MICU1: variants seen among roughly 807,000 people sequenced by gnomAD.
MICU1 encodes the protein mitochondrial calcium uptake 1.
A neutral mutation model predicts 56.8 loss-of-function variants in MICU1; 45 were observed. That is an observed-to-expected ratio of 0.79 (90% CI 0.62 to 1.02). MICU1 has a LOEUF of 1.02. MICU1 is among the 50% of genes least tolerant of loss of function. The probability of loss-of-function intolerance (pLI) is 0.00; values close to 1 mark genes in which losing one functional copy is unlikely to be tolerated. For missense variants in MICU1, 504 were observed against 587.1 expected (o/e 0.86, Z 1.46); for synonymous variants, 186 against 195.1 (o/e 0.95, Z 0.39).
chr10:72,382,679 C>CA (rs1216269613), intron 10 of MICU1, among the ~76,000 whole-genome samples: 1 of 152,104 alleles, frequency 6.6e-6, no homozygotes. Context: ...GAGGCCAAGG[C>CA]AGGCAGATCA....
At chr10:72,603,611 C>A (rs1432076004) in intron 1 of MICU1, among the ~76,000 whole-genome samples, 1 of 151,960 alleles carries the variant, frequency 6.6e-6, no homozygotes, top group Non-Finnish European at 1.5e-5. Context: ...TCGACACCAG[C>A]CTGACCAACA....
intron 6 of MICU1, among the ~76,000 whole-genome samples, chr10:72,484,247 C>T (rs1866392326): frequency 6.6e-6 from 1 of 152,046 alleles, no homozygotes; most frequent in African/African-American, 2.4e-5. Flanking sequence ...TTTCAGAATA[C>T]AATATCCAGA....
intron 6 of MICU1, among the ~76,000 whole-genome samples, chr10:72,500,278 ATATATATATATATATATATATATATTT>A (rs1866995871): frequency 1.4e-5 from 1 of 70,236 alleles, no homozygotes; most frequent in Non-Finnish European, 2.3e-5. Context: ...ATATATATAT[ATATATATATATATATATATATATATTT>A]TTTTTTTTTT....
intron 8 of MICU1, among the ~76,000 whole-genome samples, chr10:72,424,108 C>G (rs1469108779): frequency 8.1e-6 from 1 of 123,592 alleles, no homozygotes; most frequent in Non-Finnish European, 2.0e-5. Flanking sequence ...TAACAGTGAC[C>G]ATTTCCCCCC....
chr10:72,410,516 G>A (rs1863774369), intron 9 of MICU1, among the ~76,000 whole-genome samples: 1 of 152,208 alleles, frequency 6.6e-6, no homozygotes, highest in Non-Finnish European at 1.5e-5. Flanking sequence ...CTACTTGGGA[G>A]GCTGAGGCAG....
chr10:72,454,123 C>T (rs902489300), intron 8 of MICU1, among the ~76,000 whole-genome samples: 4 of 152,078 alleles, frequency 2.6e-5, no homozygotes, highest in East Asian at 2.0e-4. Context: ...TGAGCTACCC[C>T]GCCGGGCCCC....
At chr10:72,563,429 TG>T (rs1840348458) in intron 2 of MICU1, among the ~76,000 whole-genome samples, 1 of 152,234 alleles carries the variant, frequency 6.6e-6, no homozygotes, top group African/African-American at 2.4e-5. Context: ...AGCTACAACG[TG>T]GATGAATCTT....
chr10:72,503,104 A>G (rs1655584008), intron 6 of MICU1: 1 of 152,412 alleles, frequency 6.6e-6, no homozygotes, highest in South Asian at 2.1e-4. Flanking sequence ...AACCCTCTGT[A>G]TGCCTCAATT....
At chr10:72,508,779 C>T (rs1867344919) in intron 5 of MICU1, among the ~76,000 whole-genome samples, 1 of 152,238 alleles carries the variant, frequency 6.6e-6, no homozygotes, top group Non-Finnish European at 1.5e-5. Context: ...TTGATAGCCC[C>T]AAGAATCTTA....
intron 1 of MICU1, among the ~76,000 whole-genome samples, chr10:72,604,028 A>C (rs1282658809): frequency 6.6e-6 from 1 of 152,130 alleles, no homozygotes; most frequent in African/African-American, 2.4e-5. Context: ...ATAACTAATT[A>C]GTAGTATGGG....
chr10:72,445,673 T>C (rs1865082384), intron 8 of MICU1, among the ~76,000 whole-genome samples: 1 of 152,212 alleles, frequency 6.6e-6, no homozygotes, highest in African/African-American at 2.4e-5. Context: ...ATGAAGCTAG[T>C]ACAGTGGCAA....
intron 9 of MICU1, among the ~76,000 whole-genome samples, chr10:72,408,482 T>C (rs1232162198): frequency 6.6e-6 from 1 of 152,130 alleles, no homozygotes; most frequent in Non-Finnish European, 1.5e-5. Context: ...TTAATTTTTG[T>C]ATTTTTAGTA....
chr10:72,431,959 A>G (rs1215007166), intron 8 of MICU1, among the ~76,000 whole-genome samples: 1 of 152,104 alleles, frequency 6.6e-6, no homozygotes, highest in East Asian at 1.9e-4. Flanking sequence ...TTTTTCTAAC[A>G]TATGTAGTGG....
intron 10 of MICU1, among the ~76,000 whole-genome samples, chr10:72,403,289 T>A (rs1225141979): frequency 1.3e-5 from 2 of 151,090 alleles, no homozygotes; most frequent in Non-Finnish European, 2.9e-5. Flanking sequence ...ATCTGGGAGG[T>A]GGGGGTTGCA....
chr10:72,429,657 T>C (rs979482919), intron 8 of MICU1, among the ~76,000 whole-genome samples: 4 of 152,114 alleles, frequency 2.6e-5, no homozygotes, highest in Non-Finnish European at 5.9e-5. Context: ...ACAACACTTC[T>C]GTCCTATTGT....
At chr10:72,392,727 C>G (rs1211708659) in intron 10 of MICU1, among the ~76,000 whole-genome samples, 12 of 152,240 alleles carry the variant, frequency 7.9e-5, no homozygotes, top group Admixed American at 7.9e-4. Context: ...TTCTAAGATT[C>G]ATCTCAGCAG....
chr10:72,488,572 C>A (rs1384567242), intron 6 of MICU1, among the ~76,000 whole-genome samples: 1 of 152,018 alleles, frequency 6.6e-6, no homozygotes. Context: ...AGGAAATGAA[C>A]CAAAGCTTTC....
At chr10:72,444,115 C>T (rs1222527275) in intron 8 of MICU1, among the ~76,000 whole-genome samples, 1 of 151,488 alleles carries the variant, frequency 6.6e-6, no homozygotes, top group East Asian at 1.9e-4. Context: ...AGTAAACTAT[C>T]GCAAGAACAA....
intron 6 of MICU1, among the ~76,000 whole-genome samples, chr10:72,498,465 AG>A (rs1346976642): frequency 1.3e-5 from 2 of 152,160 alleles, no homozygotes; most frequent in Non-Finnish European, 2.9e-5. Flanking sequence ...GCGTGCCTGT[AG>A]TCCCAGCTAC....
Sources: allele counts gnomAD v4.1 joint callset (sites outside exome capture counted in the v4.1 genomes callset), GRCh38; gene constraint gnomAD v4.1.1; transcripts MANE v1.5; gene names NCBI Gene and HGNC (gene_info 2026-07-23, HGNC 2026-07-21).